Variants in CFAP58 observed in about 807,000 individuals in gnomAD.
CFAP58 encodes the protein cilia and flagella associated protein 58, also known as cilia- and flagella-associated protein 58.
CFAP58 carries 88 observed loss-of-function variants against 119.5 expected under a neutral mutation model. That is an observed-to-expected ratio of 0.74 (90% CI 0.62 to 0.88). The LOEUF (loss-of-function observed/expected upper bound fraction) is 0.88, where lower values mean the gene tolerates loss of function less well. Among genes scored for constraint, CFAP58 ranks in the 40% least tolerant of loss-of-function variants. The probability of loss-of-function intolerance (pLI) is 0.00; values close to 1 mark genes in which losing one functional copy is unlikely to be tolerated. For synonymous variants in CFAP58, 365 were observed against 366.3 expected, an observed-to-expected ratio of 1.00 and a Z score of 0.04; for missense variants, 990 against 1,021.2, an observed-to-expected ratio of 0.97 and a Z score of 0.42.
intron 17 of CFAP58, 133 bp downstream of exon 17, chr10:104,450,337 C>A (rs1226915595): frequency 2.2e-6 from 2 of 915,500 alleles, no homozygotes; most frequent in Non-Finnish European, 3.4e-6. Context: ...TGACATTCTA[C>A]AGGTCACTAA....
At chr10:104,380,328 A>G (rs2011763569) in intron 9 of CFAP58, 108 bp downstream of exon 9, 1 of 1,091,262 alleles carries the variant, frequency 9.2e-7, no homozygotes, top group African/African-American at 1.6e-5. Context: ...TTCTGTTTGT[A>G]ATTTGTGTGA....
rs144260365 is a variant in CFAP58, at chr10:104,372,380, A to G, written c.1090+1326A>G. The stretch of plus-strand genomic sequence containing the variant: ...AAAATAAAAAAGAAAAAGAGAGAGA[A>G]AAAAAAGAAATATTTGTCACTTAGG... On this transcript the variant is annotated intron_variant, in intron 7 of 17. Transcript: ENST00000369704. Among the ~76,000 whole-genome samples, 96 of 152,194 alleles carry G rather than the reference A, an allele frequency of 6.3e-4. 1 individual carries two copies. The highest frequency in any genetic ancestry group is 1.1e-3 in the Admixed American group (17 of 15,288).
At chr10:104,398,314 G>T (rs751456457) in intron 11 of CFAP58, among the ~76,000 whole-genome samples, 12 of 152,214 alleles carry the variant, frequency 7.9e-5, no homozygotes, top group Non-Finnish European at 1.5e-4. Flanking sequence ...ACAATAGAAG[G>T]AGCACAGGCT....
At chr10:104,399,222 G>A (rs556989313) in intron 11 of CFAP58, 138 bp from the exon 12 acceptor site, 1 of 800,114 alleles carries the variant, frequency 1.2e-6, no homozygotes, top group African/African-American at 1.7e-5. Context: ...TTTTGCTTGT[G>A]AGAGTGATCA....
At chr10:104,350,177 C>T (rs1311119050), upstream of CFAP58, among the ~76,000 whole-genome samples, 2 of 152,192 alleles carry the variant, frequency 1.3e-5, no homozygotes, top group Non-Finnish European at 2.9e-5. Context: ...TGTATTCTCT[C>T]TCCACAGTAT....
intron 16 of CFAP58, among the ~76,000 whole-genome samples, chr10:104,448,994 A>T (rs2013152437): frequency 6.6e-6 from 1 of 152,174 alleles, no homozygotes; most frequent in Admixed American, 6.5e-5. Flanking sequence ...GGAAATCCAG[A>T]TTTTTTGCTC....
At chr10:104,394,890 T>C (rs1040553765) in intron 11 of CFAP58, among the ~76,000 whole-genome samples, 1 of 152,240 alleles carries the variant, frequency 6.6e-6, no homozygotes, top group Admixed American at 6.5e-5. Context: ...TATTTATTGC[T>C]GAATGAATCG....
chr10:104,357,763 GTATGTGTGTATA>G (rs2014562536), intron 1 of CFAP58, among the ~76,000 whole-genome samples: 1 of 150,768 alleles, frequency 6.6e-6, no homozygotes, highest in African/African-American at 2.4e-5. Flanking sequence ...TGTATAATGT[GTATGTGTGTATA>G]TATGTGTGTT....
At chr10:104,358,152 T>A (rs745347637) in intron 1 of CFAP58, among the ~76,000 whole-genome samples, 189 bp from the exon 2 acceptor site, 1 of 151,774 alleles carries the variant, frequency 6.6e-6, no homozygotes, top group Non-Finnish European at 1.5e-5. Context: ...TATGTACTTA[T>A]ATATGTACAT....
At chr10:104,353,817 C>T (rs531439529), upstream of CFAP58, 1 of 1,543,412 alleles carries the variant, frequency 6.5e-7, no homozygotes, top group African/African-American at 1.4e-5. Context: ...CGCGTCGCGC[C>T]TTTAGCTTCT....
intron 9 of CFAP58, among the ~76,000 whole-genome samples, chr10:104,382,587 C>A (rs1387696817): frequency 1.3e-5 from 2 of 152,204 alleles, no homozygotes; most frequent in African/African-American, 4.8e-5. Flanking sequence ...TATGTCTCCA[C>A]CCACATCTCA....
intron 9 of CFAP58, among the ~76,000 whole-genome samples, chr10:104,386,564 G>A (rs936847025): frequency 3.2e-4 from 48 of 151,962 alleles, no homozygotes; most frequent in African/African-American, 1.1e-3. Context: ...CTCTGTACTT[G>A]GCTCCCCTCT....
intron 9 of CFAP58, among the ~76,000 whole-genome samples, chr10:104,383,998 G>C (rs1022182129): frequency 6.6e-6 from 1 of 152,114 alleles, no homozygotes; most frequent in African/African-American, 2.4e-5. Flanking sequence ...AGATTTATAT[G>C]AAAGAATATT....
the CFAP58 span, among the ~76,000 whole-genome samples, chr10:104,346,980 A>C: frequency 6.6e-6 from 1 of 151,990 alleles, no homozygotes; most frequent in Admixed American, 6.6e-5. Flanking sequence ...TGACTTGTGC[A>C]CGTCCTTACC....
intron 15 of CFAP58, among the ~76,000 whole-genome samples, chr10:104,423,196 A>G (rs1444790218): frequency 6.6e-6 from 1 of 152,196 alleles, no homozygotes; most frequent in Non-Finnish European, 1.5e-5. Flanking sequence ...ATAACTGAGT[A>G]CATTTCCTTA....
intron 8 of CFAP58, 122 bp from the exon 9 acceptor site, chr10:104,379,907 T>C (rs369206618): frequency 4.9e-5 from 43 of 878,960 alleles, no homozygotes; most frequent in African/African-American, 4.5e-4. Context: ...GAGAATATGA[T>C]CATTTTTATT....
chr10:104,363,008 T>C (rs1203228321), intron 3 of CFAP58, among the ~76,000 whole-genome samples: 1 of 152,190 alleles, frequency 6.6e-6, no homozygotes, highest in East Asian at 1.9e-4. Context: ...ATTCTCCCCA[T>C]GGTCAACTTT....
At chr10:104,447,669 T>C in intron 15 of CFAP58, 29 bp from the exon 16 acceptor site, 1 of 1,611,460 alleles carries the variant, frequency 6.2e-7, no homozygotes, top group Non-Finnish European at 8.5e-7. Flanking sequence ...GGGCTGTTTA[T>C]CTCTGCTCCT....
At chr10:104,357,983 GTACACATATATGTACACATATA>G (rs1185052111) in intron 1 of CFAP58, among the ~76,000 whole-genome samples, 4 of 128,300 alleles carry the variant, frequency 3.1e-5, no homozygotes, top group East Asian at 4.4e-4. Flanking sequence ...ATGTACATAT[GTACACATATATGTACACATATA>G]TACACATATA....
Sources: gnomAD v4.1 joint callset for allele counts (sites outside exome capture counted in the v4.1 genomes callset) on GRCh38, gnomAD v4.1.1 for gene constraint, MANE v1.5 for transcripts, NCBI Gene and HGNC (gene_info 2026-07-23, HGNC 2026-07-21) for gene names.